The following FCHO1 variants were observed in gnomAD, a reference collection of about 807,000 sequenced individuals.
FCHO1 encodes the protein FCH and mu domain containing endocytic adaptor 1.
FCHO1 carries 45 observed loss-of-function variants against 114.4 expected under a neutral mutation model. The observed-to-expected ratio is 0.39, with a 90% CI of 0.31 to 0.50. The LOEUF (loss-of-function observed/expected upper bound fraction) is 0.50, where lower values mean the gene tolerates loss of function less well. Among genes scored for constraint, FCHO1 ranks in the 20% least tolerant of loss-of-function variants. FCHO1 has a pLI of 0.77. For missense variants in FCHO1, 1,042 were observed against 1,209.6 expected, an observed-to-expected ratio of 0.86 and a Z score of 2.06; for synonymous variants, 480 against 488.9, an observed-to-expected ratio of 0.98 and a Z score of 0.24.
rs1599763767 is a variant in FCHO1 at position 17,781,614 on chromosome 19, G to A, written c.1828+75G>A. On this transcript the variant is annotated intron_variant, in intron 22 of 28. Coordinates refer to ENST00000596536, the MANE Select transcript of FCHO1 (RefSeq NM_015122.3). ...TCTGGTCTGGGTGGGTGGCTTCTCT[G>A]TTGGCAGAGGTGTGGTTGGGCGGAG... 4 of 1,572,870 alleles carry A rather than the reference G, an allele frequency of 2.5e-6. No homozygotes were observed. In the East Asian group the frequency reaches 6.7e-5, roughly 26 times the overall value.
chr19:17,780,979 TGCTTGC>T (rs1393725263), intron 20 of FCHO1, among the ~76,000 whole-genome samples: 1 of 152,226 alleles, frequency 6.6e-6, no homozygotes. Flanking sequence ...CTTCAGTGCT[TGCTTGC>T]ATACCCCCAG....
At chr19:17,777,405 A>T (rs12983732) in intron 18 of FCHO1, among the ~76,000 whole-genome samples, 1 of 151,322 alleles carries the variant, frequency 6.6e-6, no homozygotes, top group African/African-American at 2.4e-5. Context: ...GCATGGTGGC[A>T]CATGCCTGTA....
At chr19:17,756,599 C>T (rs755928460) in intron 4 of FCHO1, among the ~76,000 whole-genome samples, 8 of 152,078 alleles carry the variant, frequency 5.3e-5, no homozygotes, top group Admixed American at 2.0e-4. Flanking sequence ...TTTGCCTGCC[C>T]GAACCTCTGT....
Position 17,775,930 on chromosome 19 carries a change from T to G in FCHO1, c.1004-53T>G. ...GAGGGACGAGGCTGGATTGGAGAGC[T>G]GACTGGGGGAAAGCTTGTGTTGGGA... On this transcript the variant is annotated intron_variant, in intron 15 of 28. Coordinates refer to ENST00000596536, the MANE Select transcript of FCHO1 (RefSeq NM_015122.3). The surrounding 1 kb of genome is among the most constrained non-coding windows in gnomAD (Gnocchi z 5.1). 1 of 1,583,976 alleles carries G rather than the reference T, an allele frequency of 6.3e-7. No homozygotes were observed. Among genetic ancestry groups the G allele is most frequent in the Non-Finnish European group, 8.6e-7 (1 of 1,168,258 alleles).
chr19:17,761,541 G>C (rs1355260299), intron 4 of FCHO1, among the ~76,000 whole-genome samples: 1 of 151,350 alleles, frequency 6.6e-6, no homozygotes, highest in Non-Finnish European at 1.5e-5. Context: ...TTGTTTATCA[G>C]TTCTAGGAGT....
intron 5 of FCHO1, among the ~76,000 whole-genome samples, chr19:17,763,452 C>T (rs2087246832): frequency 6.6e-6 from 1 of 151,406 alleles, no homozygotes; most frequent in Non-Finnish European, 1.5e-5. Context: ...TTAGTAGAGA[C>T]GAGGTTTCAC....
rs775901435 is a variant in FCHO1 at position 17,784,164 on chromosome 19, G to A, written c.2155G>A (p.Glu719Lys). The change falls in exon 25 of 29, where the codon GAA (glutamate) becomes AAA (lysine). Residue 719 changes from glutamate to lysine, a missense_variant. By Grantham distance (56) the Glu-to-Lys change is moderately conservative (BLOSUM62 1). Around this residue, in one of 3 missense-constraint regions of FCHO1, gnomAD observed 455 missense variants for 455.4 expected, o/e 1.00. Coordinates refer to ENST00000596536, the MANE Select transcript of FCHO1 (RefSeq NM_015122.3). The surrounding 1 kb of genome is among the most constrained non-coding windows in gnomAD (Gnocchi z 5.3). ...CTGGCTCAACATGGCAGCTCTGACCGAAGCCCTGCAGCGCCAGGCAGAGCA... is the reference window on the plus strand; with the variant it reads ...CTGGCTCAACATGGCAGCTCTGACCAAAGCCCTGCAGCGCCAGGCAGAGCA... ...DFWLNMAALT[E>K]ALQRQAEQNP... The A allele has an allele frequency of 5.0e-6, 8 of 1,614,046 alleles. No individual in the cohort carries two copies. Among genetic ancestry groups the A allele is most frequent in the Non-Finnish European group, 6.8e-6 (8 of 1,180,016 alleles).
upstream of FCHO1, among the ~76,000 whole-genome samples, chr19:17,749,144 A>G (rs1215301792): frequency 6.6e-6 from 1 of 152,086 alleles, no homozygotes; most frequent in Non-Finnish European, 1.5e-5. Context: ...GCCAGGGGTG[A>G]ACCTGTTCTC....
chr19:17,750,408 T>G (rs2081597966), upstream of FCHO1, among the ~76,000 whole-genome samples: 1 of 152,210 alleles, frequency 6.6e-6, no homozygotes, highest in South Asian at 2.1e-4. Flanking sequence ...CATTTTTGTG[T>G]ATAATATTAA....
rs541020468 is a variant in FCHO1 at position 17,784,220 on chromosome 19, G to A, written c.2211G>A (p.Val737=). ...CCACTGCCTCCTACTACAACGTGGT[G>A]CTGCTGCGATACCAGGTGCGCCACC... ...QNPTASYYNV[V]LLRYQFSRPG... The change falls in exon 25 of 29, where the codon GTG becomes GTA. Residue 737 remains valine, a synonymous_variant. Coordinates refer to ENST00000596536, the MANE Select transcript of FCHO1 (RefSeq NM_015122.3). The surrounding 1 kb of genome is among the most constrained non-coding windows in gnomAD (Gnocchi z 5.3). 3.3e-5 allele frequency: 53 copies of A among 1,609,874 alleles called. No homozygotes were observed. The South Asian group carries it at 5.5e-4, about 17-fold the overall frequency.
In FCHO1 at chr19:17,774,652, A is replaced by G; in HGVS notation, c.920+174A>G. 3 of 609,438 alleles carry G rather than the reference A, an allele frequency of 4.9e-6. No individual in the cohort carries two copies. The South Asian group carries it at 5.9e-5, about 12-fold the overall frequency. The allele number at this position is 609,438 out of a possible 1,614,324, so 37.8% of individuals were successfully genotyped here. ...GAGTACCTCTGCCCCCGGCTAGCTC[A>G]ATATTACCGCTGCCCAAGCTAGTCC... On this transcript the variant is annotated intron_variant, in intron 13 of 28. Transcript: ENST00000596536.
chr19:17,756,363 G>A (rs2083510153), intron 4 of FCHO1, among the ~76,000 whole-genome samples: 2 of 152,182 alleles, frequency 1.3e-5, no homozygotes, highest in Non-Finnish European at 1.5e-5. Context: ...AGGATCAAAA[G>A]TCACCTGCAT....
chr19:17,779,157 G>A (rs996875094), intron 20 of FCHO1, among the ~76,000 whole-genome samples: 1 of 152,196 alleles, frequency 6.6e-6, no homozygotes, highest in Non-Finnish European at 1.5e-5. Flanking sequence ...GGAAAGGCGT[G>A]CTGGGCAGAG....
chr19:17,782,151 A>G (rs981200360), intron 23 of FCHO1, among the ~76,000 whole-genome samples: 1 of 152,060 alleles, frequency 6.6e-6, no homozygotes, highest in African/African-American at 2.4e-5. Flanking sequence ...CTGGAACTAC[A>G]GATGCGTGCC....
intron 4 of FCHO1, 188 bp from the exon 5 acceptor site, chr19:17,762,574 T>C (rs1385087908): frequency 3.4e-6 from 2 of 587,624 alleles, no homozygotes; most frequent in East Asian, 2.7e-5. Flanking sequence ...TTCTCTCTGA[T>C]TGGACAAATT....
chr19:17,768,402 A>T (rs527460083), intron 7 of FCHO1, among the ~76,000 whole-genome samples: 17 of 151,464 alleles, frequency 1.1e-4, no homozygotes, highest in Admixed American at 2.0e-4. Context: ...TATAGAAGGG[A>T]TCTTGCTAGC....
At position 17,773,180 on chromosome 19, in the gene FCHO1, G is replaced by A. The variant is rs142290889; in HGVS notation, c.790+439G>A. Among the ~76,000 whole-genome samples, 91 of 152,348 alleles carry A rather than the reference G, an allele frequency of 6.0e-4. 1 individual carries two copies. The highest frequency in any genetic ancestry group is 6.8e-3 in the Middle Eastern group (2 of 294). Reference sequence around the variant, plus strand: ...AGATGCAGGACTGGGAAGGAGTTAAGAGCAAAAGTTTTAGAGTGAGACGTG... The same window carrying A: ...AGATGCAGGACTGGGAAGGAGTTAAAAGCAAAAGTTTTAGAGTGAGACGTG... On this transcript the variant is annotated intron_variant, in intron 11 of 28. Transcript: ENST00000596536.
At position 17,781,298 on chromosome 19, in the gene FCHO1, C is replaced by T; in HGVS notation, c.1695C>T (p.Arg565=). 3 of 1,614,084 alleles carry T rather than the reference C, an allele frequency of 1.9e-6. No individual in the cohort carries two copies. The highest frequency in any genetic ancestry group is 2.5e-6 in the Non-Finnish European group (3 of 1,179,966). ...TGGCAGCCCCACCCAGGAGACTTCG[C>T]TCTAGGAAGGTGTCCTGCCCTCTCA... is the stretch of plus-strand genomic sequence containing the variant. ...EGLAAPPRRL[R]SRKVSCPLTR... The change falls in exon 21 of 29, where the codon CGC becomes CGT. Residue 565 remains arginine (R), a synonymous_variant. Transcript: ENST00000596536.
At chr19:17,783,199 G>A in intron 24 of FCHO1, 27 bp downstream of exon 24, 1 of 1,603,870 alleles carries the variant, frequency 6.2e-7, no homozygotes, top group Non-Finnish European at 8.5e-7. Flanking sequence ...GTGGGAGAGG[G>A]CCTCGGAGGC....
Sources: allele counts gnomAD v4.1 joint callset (sites outside exome capture counted in the v4.1 genomes callset), GRCh38; gene constraint gnomAD v4.1.1; regional missense constraint gnomAD v4.1.1; non-coding constraint Gnocchi (gnomAD v3.1); transcripts MANE v1.5; gene names NCBI Gene and HGNC (gene_info 2026-07-23, HGNC 2026-07-21).